PPFIA1: variants seen among roughly 807,000 people sequenced by gnomAD.
PPFIA1 encodes PPFI scaffold protein A1.
A neutral mutation model predicts 149.9 loss-of-function variants in PPFIA1; 25 were observed. The ratio of observed to expected loss-of-function variants is 0.17; its 90% CI spans 0.12 to 0.23. The LOEUF (loss-of-function observed/expected upper bound fraction) is 0.23, where lower values mean the gene tolerates loss of function less well. Among genes scored for constraint, PPFIA1 ranks in the 10% least tolerant of loss-of-function variants. The pLI is 1.00. For synonymous variants in PPFIA1, 549 were observed against 552.8 expected, an observed-to-expected ratio of 0.99 and a Z score of 0.10; for missense variants, 1,362 against 1,506.5, an observed-to-expected ratio of 0.90 and a Z score of 1.59.
At chr11:70,295,322 G>A (rs1382891050) in intron 2 of PPFIA1, among the ~76,000 whole-genome samples, 1 of 143,108 alleles carries the variant, frequency 7.0e-6, no homozygotes, top group Non-Finnish European at 1.6e-5. Context: ...CGGCTGGCTG[G>A]GCGGGGGGCT....
At position 70,325,553 on chromosome 11, in the gene PPFIA1, AT is replaced by A; in HGVS notation, c.587del (p.Leu196Ter). Reference protein sequence around the residue: ...LERCSLLEEELGATHKELMIL... With the variant: ...LERCSLLEEEXGATHKELMIL... Reference sequence around the variant, plus strand: ...AAAGATGTAGTTTGTTAGAAGAGGAATTAGGTGCCACACACAAAGAGGTAAG... The same window carrying A: ...AAAGATGTAGTTTGTTAGAAGAGGAATAGGTGCCACACACAAAGAGGTAAG... On this transcript the variant is annotated frameshift_variant, in exon 5 of 28. Coordinates refer to ENST00000253925, the MANE Select transcript of PPFIA1 (RefSeq NM_003626.5). LOFTEE classifies it high-confidence loss of function. 6.3e-7 allele frequency: 1 copy of A among 1,582,656 alleles called. No individual in the cohort carries two copies. Among genetic ancestry groups the A allele is most frequent in the Non-Finnish European group, 8.7e-7 (1 of 1,151,676 alleles).
At chr11:70,278,317 T>G (rs1355672416) in intron 2 of PPFIA1, among the ~76,000 whole-genome samples, 1 of 152,206 alleles carries the variant, frequency 6.6e-6, no homozygotes, top group Middle Eastern at 3.2e-3. Context: ...ATTACAGGTG[T>G]GAGCCACTGT....
In PPFIA1 at chr11:70,384,223, T is replaced by G. The variant is rs1423341330; in HGVS notation, c.*1233T>G. On this transcript the variant is annotated 3_prime_UTR_variant, in exon 28 of 28. Transcript: ENST00000253925. The stretch of plus-strand genomic sequence containing the variant: ...AGGCAGCCTGTCTTTTCAGTTGGTT[T>G]CTGCTTTTAATTTACTTGTACAATT... 5 of 152,410 alleles carry G rather than the reference T, an allele frequency of 3.3e-5. No individual in the cohort carries two copies. The highest frequency in any genetic ancestry group is 1.2e-4 in the African/African-American group (5 of 41,458). The allele number at this position is 152,410 out of a possible 1,614,324, so 9.4% of individuals were successfully genotyped here.
intron 2 of PPFIA1, among the ~76,000 whole-genome samples, chr11:70,288,221 G>A (rs1215775497): frequency 1.3e-5 from 2 of 151,960 alleles, no homozygotes; most frequent in South Asian, 2.1e-4. Context: ...TACAGGTGCC[G>A]CCACCATGCC....
chr11:70,294,240 C>A (rs1342015378), intron 2 of PPFIA1, among the ~76,000 whole-genome samples: 1 of 152,154 alleles, frequency 6.6e-6, no homozygotes, highest in African/African-American at 2.4e-5. Flanking sequence ...CTGCACCTGG[C>A]CTGCACAGTT....
chr11:70,362,073 T>A (rs1281835471), intron 19 of PPFIA1, 22 bp from the exon 20 acceptor site: 1 of 1,611,100 alleles, frequency 6.2e-7, no homozygotes, highest in Non-Finnish European at 8.5e-7. Flanking sequence ...TTCTTTAATT[T>A]TCAATATCTT....
intron 19 of PPFIA1, among the ~76,000 whole-genome samples, chr11:70,359,131 G>A (rs1408266023): frequency 6.6e-6 from 1 of 152,130 alleles, no homozygotes; most frequent in African/African-American, 2.4e-5. Context: ...CCCTTGCACC[G>A]TTGCCCAGGC....
rs764425609 is a variant in PPFIA1, at chr11:70,324,889, C to T, written c.409C>T (p.Arg137Trp). 3.1e-6 allele frequency: 5 copies of T among 1,611,110 alleles called. No individual in the cohort carries two copies. The highest frequency in any genetic ancestry group is 2.2e-5 in the East Asian group (1 of 44,850). ...HLECLVSRHE[R>W]SLRMTVVKRQ... Reference sequence around the variant, plus strand: ...GGAATGCCTTGTCTCCAGGCATGAGCGGTCTCTTAGGATGACCGTGGTGAA... The same window carrying T: ...GGAATGCCTTGTCTCCAGGCATGAGTGGTCTCTTAGGATGACCGTGGTGAA... The change falls in exon 4 of 28, where the codon CGG (arginine) becomes TGG (tryptophan). Residue 137 changes from arginine (R) to tryptophan (W), a missense_variant. Coordinates refer to ENST00000253925, the MANE Select transcript of PPFIA1 (RefSeq NM_003626.5).
intron 2 of PPFIA1, among the ~76,000 whole-genome samples, chr11:70,289,921 A>AT (rs1226982379): frequency 6.6e-6 from 1 of 152,050 alleles, no homozygotes; most frequent in Non-Finnish European, 1.5e-5. Flanking sequence ...TCAAAAACAC[A>AT]TTTTTTTAAA....
chr11:70,316,179 C>G (rs539146798), intron 2 of PPFIA1, among the ~76,000 whole-genome samples: 3 of 152,134 alleles, frequency 2.0e-5, no homozygotes. Context: ...TCAAGTGATT[C>G]TCATGCCTCA....
chr11:70,330,899 TG>T (rs1194896159), intron 8 of PPFIA1, among the ~76,000 whole-genome samples: 2 of 152,138 alleles, frequency 1.3e-5, no homozygotes, highest in Non-Finnish European at 2.9e-5. Context: ...ATTGTGCCAC[TG>T]GACTCCAGCC....
intron 25 of PPFIA1, 112 bp downstream of exon 25, chr11:70,376,712 C>T: frequency 2.1e-6 from 2 of 939,012 alleles, no homozygotes; most frequent in African/African-American, 1.6e-5. Context: ...TGTAGCTAGG[C>T]AGTCTCTCTG....
intron 19 of PPFIA1, among the ~76,000 whole-genome samples, chr11:70,359,078 T>A (rs1481848992): frequency 6.6e-6 from 1 of 152,204 alleles, no homozygotes; most frequent in Non-Finnish European, 1.5e-5. Flanking sequence ...CCTGAGAGGA[T>A]CTTTTTATTT....
chr11:70,315,491 C>T (rs112279294), intron 2 of PPFIA1, among the ~76,000 whole-genome samples: 2,479 of 152,016 alleles, frequency 0.016, 43 homozygotes, highest in African/African-American at 0.037. Flanking sequence ...AATATATAAA[C>T]TTCTAATTTT....
chr11:70,353,520 G>T (rs1283720601), intron 16 of PPFIA1, among the ~76,000 whole-genome samples: 1 of 152,176 alleles, frequency 6.6e-6, no homozygotes. Context: ...CCTAGACCCT[G>T]CAGGGGTGAG....
At position 70,343,912 on chromosome 11, in the gene PPFIA1, ACACT is replaced by A; in HGVS notation, c.1931+24_1931+27del. ...GATCAGGTGTGTGCAACCGTGCATG[ACACT>A]CACCACACGCATGGGTGTCTCTGAG... is the stretch of plus-strand genomic sequence containing the variant. On this transcript the variant is annotated intron_variant, in intron 15 of 27. Transcript: ENST00000253925. 6.3e-7 allele frequency: 1 copy of A among 1,592,282 alleles called. No homozygotes were observed. Among genetic ancestry groups the A allele is most frequent in the South Asian group, 1.1e-5 (1 of 89,300 alleles).
At position 70,289,631 on chromosome 11, in the gene PPFIA1, G is replaced by T. The variant is rs1462439127; in HGVS notation, c.264+17195G>T. Among the ~76,000 whole-genome samples the T allele has an allele frequency of 3.9e-5, 6 of 152,210 alleles. No homozygotes were observed. In the East Asian group the frequency reaches 1.2e-3, roughly 29 times the overall value. On this transcript the variant is annotated intron_variant, in intron 2 of 27. Transcript: ENST00000253925. ...ACATAACCAAAGTAATTACCAATTT[G>T]ATAAACAGGTTCATTTGTTCCTATT...
chr11:70,348,534 C>T, intron 16 of PPFIA1, 114 bp downstream of exon 16: 1 of 875,540 alleles, frequency 1.1e-6, no homozygotes, highest in Admixed American at 2.6e-5. Context: ...CTAAGAGGTT[C>T]AAGATTATAA....
Position 70,326,299 on chromosome 11 carries a change from C to A in PPFIA1, c.644C>A (p.Thr215Asn). 1.2e-6 allele frequency: 2 copies of A among 1,608,306 alleles called. No homozygotes were observed. Among genetic ancestry groups the A allele is most frequent in the Non-Finnish European group, 1.7e-6 (2 of 1,176,604 alleles). Residue 215 changes from threonine (T) to asparagine (N), a missense_variant, in exon 6 of 28, where the codon ACT becomes AAT. This residue lies in a region of PPFIA1 where 733 missense variants were observed against 744.1 expected (regional missense o/e 0.99). Coordinates refer to ENST00000253925, the MANE Select transcript of PPFIA1 (RefSeq NM_003626.5). ...AAAGAACAGAATAATCAGAAAAAAA[C>A]TCTAACAGATGGAGTGCTGGACATA... ...ILKEQNNQKK[T>N]LTDGVLDINH...
Sources: allele counts gnomAD v4.1 joint callset (sites outside exome capture counted in the v4.1 genomes callset), GRCh38; gene constraint gnomAD v4.1.1; regional missense constraint gnomAD v4.1.1; transcripts MANE v1.5; gene names NCBI Gene and HGNC (gene_info 2026-07-23, HGNC 2026-07-21).